The following CDH12 variants were observed in gnomAD, a reference collection of about 807,000 sequenced individuals.
The protein encoded by CDH12 is cadherin 12.
In CDH12, 41 loss-of-function variants were observed where a neutral mutation model predicts 74.1. The observed-to-expected ratio is 0.55, with a 90% CI of 0.43 to 0.72. The LOEUF (loss-of-function observed/expected upper bound fraction) is 0.72. Ranked by LOEUF, CDH12 falls within the 30% of genes least tolerant of loss-of-function variation. CDH12 has a pLI of 0.00. For missense variants in CDH12, 945 were observed against 977.2 expected, an observed-to-expected ratio of 0.97 and a Z score of 0.44; for synonymous variants, 399 against 355.0, an observed-to-expected ratio of 1.12 and a Z score of -1.39.
rs186956743 is a variant in CDH12, at chr5:22,298,400, T to C, written c.-332-85757A>G. ...ATCCTATTCATTTAAGTTCTATACATGTTTCTATGTATATATCTAAGCAAA... is the reference window on the plus strand; with the variant it reads ...ATCCTATTCATTTAAGTTCTATACACGTTTCTATGTATATATCTAAGCAAA... On this transcript the variant is annotated intron_variant, in intron 3 of 14. Coordinates refer to ENST00000382254, the MANE Select transcript of CDH12 (RefSeq NM_004061.5). Among the ~76,000 whole-genome samples the C allele has an allele frequency of 2.1e-3, 312 of 152,180 alleles. 2 individuals are homozygous for C. Among genetic ancestry groups the C allele is most frequent in the Admixed American group, 7.4e-3 (113 of 15,286 alleles).
chr5:22,089,947 C>T (rs1285303516), intron 4 of CDH12, among the ~76,000 whole-genome samples: 1 of 151,766 alleles, frequency 6.6e-6, no homozygotes, highest in Admixed American at 6.6e-5. Flanking sequence ...TAAGTGCCTA[C>T]ATTTAAAAAT....
intron 2 of CDH12, among the ~76,000 whole-genome samples, chr5:22,503,928 T>C (rs1161384676): frequency 1.3e-5 from 2 of 152,064 alleles, no homozygotes; most frequent in East Asian, 1.9e-4. Flanking sequence ...GATATAATCA[T>C]GGATATTTAA....
chr5:21,913,469 A>G (rs1301647758), intron 6 of CDH12, among the ~76,000 whole-genome samples: 1 of 152,192 alleles, frequency 6.6e-6, no homozygotes, highest in Non-Finnish European at 1.5e-5. Context: ...ATGTAAAAGT[A>G]AACAAGTTTC....
intron 1 of CDH12, among the ~76,000 whole-genome samples, chr5:22,514,507 A>G (rs1439180757): frequency 3.3e-5 from 5 of 151,604 alleles, no homozygotes. Context: ...GGAAGCCTAT[A>G]CACTTAAAAA....
At chr5:22,006,614 T>C (rs1363322305) in intron 5 of CDH12, among the ~76,000 whole-genome samples, 2 of 152,196 alleles carry the variant, frequency 1.3e-5, no homozygotes, top group South Asian at 4.1e-4. Flanking sequence ...AGTTCACCTA[T>C]AGATATAACA....
intron 6 of CDH12, among the ~76,000 whole-genome samples, chr5:21,856,217 T>G (rs1189986629): frequency 3.3e-5 from 5 of 151,696 alleles, no homozygotes; most frequent in Non-Finnish European, 7.4e-5. Flanking sequence ...GTATTAAAGA[T>G]TCATTAAAAC....
At chr5:22,391,167 A>G (rs1343491016) in intron 3 of CDH12, among the ~76,000 whole-genome samples, 1 of 152,200 alleles carries the variant, frequency 6.6e-6, no homozygotes, top group East Asian at 1.9e-4. Context: ...AGAGTGTTGC[A>G]GATGAGAAGG....
At chr5:22,396,427 C>T (rs1187994026) in intron 3 of CDH12, among the ~76,000 whole-genome samples, 1 of 152,034 alleles carries the variant, frequency 6.6e-6, no homozygotes, top group African/African-American at 2.4e-5. Flanking sequence ...CTATTACAAG[C>T]CAACCAGTGA....
At chr5:22,652,405 A>G (rs1739791273) in intron 1 of CDH12, among the ~76,000 whole-genome samples, 1 of 152,160 alleles carries the variant, frequency 6.6e-6, no homozygotes, top group Non-Finnish European at 1.5e-5. Context: ...AGAAGCATCA[A>G]TCAAAATTGA....
intron 1 of CDH12, among the ~76,000 whole-genome samples, chr5:22,831,371 CTG>C (rs70959760): frequency 5.0e-4 from 74 of 146,684 alleles, no homozygotes; most frequent in East Asian, 1.8e-3. Flanking sequence ...GTGTGTGTGT[CTG>C]TGTGTGTGTG....
At chr5:22,655,040 C>A (rs2126889175) in intron 1 of CDH12, among the ~76,000 whole-genome samples, 1 of 152,274 alleles carries the variant, frequency 6.6e-6, no homozygotes. Flanking sequence ...ACTTATCTAC[C>A]CTCACTTCCC....
intron 1 of CDH12, among the ~76,000 whole-genome samples, chr5:22,780,589 G>GC (rs1393282808): frequency 6.6e-6 from 1 of 151,878 alleles, no homozygotes; most frequent in African/African-American, 2.4e-5. Context: ...ATTCACTATC[G>GC]CAAGAACAGC....
intron 8 of CDH12, among the ~76,000 whole-genome samples, chr5:21,834,201 T>C (rs141372085): frequency 4.0e-5 from 6 of 151,304 alleles, no homozygotes; most frequent in African/African-American, 1.5e-4. Context: ...CTTTAAATGT[T>C]TCCACCGAAG....
intron 11 of CDH12, among the ~76,000 whole-genome samples, chr5:21,781,522 G>A (rs1745907328): frequency 1.3e-5 from 2 of 152,036 alleles, no homozygotes; most frequent in Admixed American, 6.6e-5. Flanking sequence ...TCAGGAGTTC[G>A]AGATCAGCAC....
At chr5:22,431,016 T>C (rs893928305) in intron 2 of CDH12, among the ~76,000 whole-genome samples, 1 of 152,198 alleles carries the variant, frequency 6.6e-6, no homozygotes, top group Non-Finnish European at 1.5e-5. Flanking sequence ...AAGGTTACTA[T>C]GCTTATATTC....
intron 6 of CDH12, among the ~76,000 whole-genome samples, chr5:21,914,592 G>C (rs190295555): frequency 1.3e-5 from 2 of 152,196 alleles, no homozygotes; most frequent in East Asian, 3.9e-4. Flanking sequence ...AAATCTATAG[G>C]GTAAGCCAGG....
At chr5:21,897,659 C>T (rs1753185734) in intron 6 of CDH12, among the ~76,000 whole-genome samples, 1 of 152,040 alleles carries the variant, frequency 6.6e-6, no homozygotes, top group African/African-American at 2.4e-5. Context: ...CATATGCTTG[C>T]AATAAAACTG....
chr5:22,384,894 T>A (rs1238878595), intron 3 of CDH12, among the ~76,000 whole-genome samples: 1 of 152,224 alleles, frequency 6.6e-6, no homozygotes, highest in African/African-American at 2.4e-5. Context: ...ATGATTTTAA[T>A]ATTTTAAATT....
intron 6 of CDH12, among the ~76,000 whole-genome samples, chr5:21,968,593 C>A (rs1240677512): frequency 6.6e-6 from 1 of 152,120 alleles, no homozygotes; most frequent in Non-Finnish European, 1.5e-5. Flanking sequence ...GCAACATTTA[C>A]CACTGGGATT....
Sources: allele counts gnomAD v4.1 joint callset (sites outside exome capture counted in the v4.1 genomes callset), GRCh38; gene constraint gnomAD v4.1.1; transcripts MANE v1.5; gene names NCBI Gene and HGNC (gene_info 2026-07-23, HGNC 2026-07-21).